Variants in FCMR observed in about 807,000 individuals in gnomAD.
FCMR encodes immunoglobulin mu Fc receptor.
In FCMR, 34 loss-of-function variants were observed where a neutral mutation model predicts 41.6. That is an observed-to-expected ratio of 0.82 (90% CI 0.62 to 1.09). The LOEUF is 1.09. Among genes scored for constraint, FCMR ranks in the 50% least tolerant of loss-of-function variants. The pLI is 0.00. For missense variants in FCMR, 496 were observed against 512.5 expected (o/e 0.97, Z 0.31); for synonymous variants, 209 against 211.8 (o/e 0.99, Z 0.12).
intron 7 of FCMR, chr1:206,907,938 C>T: frequency 1.5e-6 from 2 of 1,300,186 alleles, no homozygotes; most frequent in Admixed American, 1.7e-5. Context: ...TGTTTGACGG[C>T]ATCCTACTGC....
chr1:206,908,704 A>T (rs1678785849), intron 7 of FCMR, among the ~76,000 whole-genome samples: 1 of 151,824 alleles, frequency 6.6e-6, no homozygotes, highest in Non-Finnish European at 1.5e-5. Flanking sequence ...TGTAATCAGG[A>T]TCAAATAAAT....
rs759008945 is a variant in FCMR, at chr1:206,913,974, GCC to G, written c.156_157del (p.Met52IlefsTer46). On this transcript the variant is annotated frameshift_variant, in exon 2 of 8. Transcript: ENST00000367091. LOFTEE classifies it high-confidence loss of function. ...CACGGTACCACATGTTCCAGATCCA[GCC>G]ATCTCCCGGCACAGATATATCCTCA... is the stretch of plus-strand genomic sequence containing the variant. 5 of 1,614,108 alleles carry G rather than the reference GCC, an allele frequency of 3.1e-6. No homozygotes were observed. Among genetic ancestry groups the G allele is most frequent in the Non-Finnish European group, 8.5e-7 (1 of 1,180,052 alleles).
At position 206,911,734 on chromosome 1, in the gene FCMR, G is replaced by A; in HGVS notation, c.706C>T (p.Gln236Ter). Reference protein sequence around the residue: ...SYNHHTRLHRQRALDYGSQSG... With the variant: ...SYNHHTRLHR Reference sequence around the variant, plus strand: ...TCCTGGACAGTGGTCTCTTACCTCTGCCTGTGCAGCCTGGTGTGGTGGTTG... The same window carrying A: ...TCCTGGACAGTGGTCTCTTACCTCTACCTGTGCAGCCTGGTGTGGTGGTTG... The change falls in exon 4 of 8, where the codon CAG becomes TAG. Residue 236 changes from glutamine to a stop codon, truncating the protein, a stop_gained. Coordinates refer to ENST00000367091, the MANE Select transcript of FCMR (RefSeq NM_005449.5). LOFTEE classifies it high-confidence loss of function. 1.2e-6 allele frequency: 2 copies of A among 1,610,728 alleles called. No homozygotes were observed. The highest frequency in any genetic ancestry group is 1.7e-6 in the Non-Finnish European group (2 of 1,179,146).
chr1:206,905,733 C>T (rs1004411833), intron 7 of FCMR, among the ~76,000 whole-genome samples: 10 of 152,192 alleles, frequency 6.6e-5, no homozygotes, highest in Non-Finnish European at 1.2e-4. Context: ...CAACATGGCA[C>T]AGTTACTATC....
At chr1:206,907,411 A>T (rs965685542) in intron 7 of FCMR, among the ~76,000 whole-genome samples, 1 of 152,132 alleles carries the variant, frequency 6.6e-6, no homozygotes, top group Non-Finnish European at 1.5e-5. Context: ...AGGATGGCGC[A>T]GCAACCAGAC....
rs774368392 is a variant in FCMR at position 206,913,879 on chromosome 1, T to G, written c.253A>C (p.Asn85His). Residue 85 changes from asparagine to histidine, a missense_variant, in exon 2 of 8, where the codon AAT becomes CAT. Physicochemically the swap from Asn to His is moderately conservative, Grantham distance 68. Transcript: ENST00000367091. Reference protein sequence around the residue: ...RVTLKQYPRKNLFLVEVTQLT... With the variant: ...RVTLKQYPRKHLFLVEVTQLT... ...TGTGTTACCTCCACTAGGAACAGAT[T>G]CTTGCGTGGGTATTGCTTCAGAGTA... 1 of 1,614,240 alleles carries G rather than the reference T, an allele frequency of 6.2e-7. No individual in the cohort carries two copies. Among genetic ancestry groups the G allele is most frequent in the Non-Finnish European group, 8.5e-7 (1 of 1,180,048 alleles).
rs1400667496 is a variant in FCMR, at chr1:206,921,917, CT to C, written c.-64del. ...TAGAGAGGGGGATGGAGACACGCTG[CT>C]TACTCAGGAACCCTTCACAATCTGG... On this transcript the variant is annotated 5_prime_UTR_variant, in exon 1 of 8. Coordinates refer to ENST00000367091, the MANE Select transcript of FCMR (RefSeq NM_005449.5). 1 of 1,457,900 alleles carries C rather than the reference CT, an allele frequency of 6.9e-7. No homozygotes were observed. Among genetic ancestry groups the C allele is most frequent in the Non-Finnish European group, 9.6e-7 (1 of 1,038,332 alleles). The allele number at this position is 1,457,900 out of a possible 1,614,324, so 90.3% of individuals were successfully genotyped here.
At chr1:206,917,908 A>C in intron 1 of FCMR, 2 of 418,346 alleles carry the variant, frequency 4.8e-6, no homozygotes, top group South Asian at 3.4e-5. Context: ...ATGAGTCTCC[A>C]TGCCTGGCTT....
In FCMR at chr1:206,911,814, G is replaced by A. The variant is rs1678951471; in HGVS notation, c.626C>T (p.Thr209Ile). 1 of 1,612,476 alleles carries A rather than the reference G, an allele frequency of 6.2e-7. No individual in the cohort carries two copies. Among genetic ancestry groups the A allele is most frequent in the Non-Finnish European group, 8.5e-7 (1 of 1,179,360 alleles). The change falls in exon 4 of 8, where the codon ACA becomes ATA. Residue 209 changes from threonine to isoleucine, a missense_variant. Transcript: ENST00000367091. ...CTCCAGAGCTGAGATTTTTGAGGCT[G>A]TAGTGGATGGCAGGAAGGTTCGGGG... ...DKPRTFLPST[T>I]ASKISALEGL...
chr1:206,908,191 T>C, intron 7 of FCMR: 1 of 1,459,144 alleles, frequency 6.9e-7, no homozygotes. Context: ...AACTGACAAA[T>C]ACACAGAGGT....
Position 206,912,952 on chromosome 1 carries a change from C to G in FCMR, c.464G>C (p.Ser155Thr). 6.2e-7 allele frequency: 1 copy of G among 1,612,948 alleles called. No individual in the cohort carries two copies. ...ACCTCTGGTTACGAATTTGGAAGAA[C>G]TGGCATATGCAGGCATCTGGAACAA... ...PYLFQMPAYA[S>T]SSKFVTRVTT... Residue 155 changes from serine (S) to threonine (T), a missense_variant, in exon 3 of 8, where the codon AGT (serine) becomes ACT (threonine). Ser to Thr is a moderately conservative substitution (Grantham distance 58). Transcript: ENST00000367091.
chr1:206,907,087 T>C (rs1413942943), intron 7 of FCMR, among the ~76,000 whole-genome samples: 24 of 19,568 alleles, frequency 1.2e-3, no homozygotes, highest in African/African-American at 3.3e-3. Flanking sequence ...AGCCGGGGGG[T>C]GGGGGGGTGG....
At chr1:206,907,839 CG>C in intron 7 of FCMR, 1 of 1,404,666 alleles carries the variant, frequency 7.1e-7, no homozygotes, top group Non-Finnish European at 1.0e-6. Flanking sequence ...TACCACTTCC[CG>C]GCCCCCAGCC....
Position 206,919,419 on chromosome 1 carries a change from G to A in FCMR, c.37+2399C>T, listed in dbSNP as rs147580776. 1.3e-4 allele frequency among the ~76,000 whole-genome samples: 20 copies of A among 152,158 alleles called. 1 individual carries two copies. In the East Asian group the frequency reaches 3.9e-3, roughly 29 times the overall value. ...GAGACCAGCCTGGGCAACATGGTGAGACCCTATCTCTATTAAAAATACAAA... is the reference window on the plus strand; with the variant it reads ...GAGACCAGCCTGGGCAACATGGTGAAACCCTATCTCTATTAAAAATACAAA... On this transcript the variant is annotated intron_variant, in intron 1 of 7. Coordinates refer to ENST00000367091, the MANE Select transcript of FCMR (RefSeq NM_005449.5).
At position 206,905,293 on chromosome 1, in the gene FCMR, A is replaced by G. The variant is rs1678580579; in HGVS notation, c.1045-146T>C. 5 of 847,772 alleles carry G rather than the reference A, an allele frequency of 5.9e-6. No individual in the cohort carries two copies. In the Admixed American group the frequency reaches 9.9e-5, roughly 17 times the overall value. 52.5% of individuals were successfully genotyped at this position (847,772 alleles called of 1,614,324 possible). On this transcript the variant is annotated intron_variant, in intron 7 of 7. Coordinates refer to ENST00000367091, the MANE Select transcript of FCMR (RefSeq NM_005449.5). ...ACACAGAGATGGCTCAGCTCCATCA[A>G]GTGGAGTAGCCCTGGGGATTTTCAG... is the stretch of plus-strand genomic sequence containing the variant.
chr1:206,911,683 T>C (rs912291021), intron 4 of FCMR, 47 bp downstream of exon 4: 1 of 1,560,936 alleles, frequency 6.4e-7, no homozygotes, highest in Non-Finnish European at 8.8e-7. Context: ...TTTCAGTGGA[T>C]CTCTTAATTC....
At chr1:206,912,639 G>C (rs529231189) in intron 3 of FCMR, among the ~76,000 whole-genome samples, 32 of 152,356 alleles carry the variant, frequency 2.1e-4, no homozygotes, top group African/African-American at 6.3e-4. Flanking sequence ...TTCATAAAAA[G>C]AGCTAGATTT....
intron 1 of FCMR, 80 bp from the exon 2 acceptor site, chr1:206,914,174 G>C (rs573908303): frequency 1.7e-6 from 2 of 1,144,124 alleles, no homozygotes; most frequent in East Asian, 4.8e-5. Context: ...AGCTCCAGCC[G>C]TCTCTCCAAC....
intron 1 of FCMR, among the ~76,000 whole-genome samples, chr1:206,916,508 G>T (rs1679199467): frequency 6.6e-6 from 1 of 152,222 alleles, no homozygotes; most frequent in Non-Finnish European, 1.5e-5. Flanking sequence ...GTAAATCCCT[G>T]GCTTGCCTGT....
Sources: allele counts gnomAD v4.1 joint callset (sites outside exome capture counted in the v4.1 genomes callset), GRCh38; gene constraint gnomAD v4.1.1; transcripts MANE v1.5; gene names NCBI Gene and HGNC (gene_info 2026-07-23, HGNC 2026-07-21).